NPFFR2: variants seen among roughly 807,000 people sequenced by gnomAD.
NPFFR2 encodes the protein neuropeptide FF receptor 2, also known as G-protein coupled receptor 74.
A neutral mutation model predicts 13.1 loss-of-function variants in NPFFR2; 15 were observed. The observed-to-expected ratio is 1.15, with a 90% confidence interval of 0.77 to 1.76. NPFFR2 has a LOEUF of 1.76. NPFFR2 is among the 40% of genes most tolerant of loss of function. The pLI, the probability that NPFFR2 is intolerant of heterozygous loss-of-function variation, is 0.00. For synonymous variants in NPFFR2, 190 were observed against 175.7 expected (o/e 1.08, Z -0.65); for missense variants, 572 against 503.5 (o/e 1.14, Z -1.30).
At chr4:72,124,232 A>G (rs990146970) in intron 1 of NPFFR2, among the ~76,000 whole-genome samples, 4 of 152,196 alleles carry the variant, frequency 2.6e-5, no homozygotes, top group Non-Finnish European at 5.9e-5. Flanking sequence ...TTCAAGGAGA[A>G]CTACAAACCA....
At chr4:72,126,458 A>T (rs1254126128) in intron 1 of NPFFR2, among the ~76,000 whole-genome samples, 2 of 152,226 alleles carry the variant, frequency 1.3e-5, no homozygotes, top group Non-Finnish European at 2.9e-5. Context: ...CAGAAAAGAG[A>T]TAACAAGCAG....
At chr4:72,112,022 T>C (rs1721580186) in intron 1 of NPFFR2, among the ~76,000 whole-genome samples, 2 of 151,992 alleles carry the variant, frequency 1.3e-5, no homozygotes, top group Admixed American at 1.3e-4. Flanking sequence ...ATTTGCTGGA[T>C]TTTTACCAAA....
At chr4:72,140,688 G>A (rs1722579489) in intron 3 of NPFFR2, among the ~76,000 whole-genome samples, 1 of 152,130 alleles carries the variant, frequency 6.6e-6, no homozygotes, top group Non-Finnish European at 1.5e-5. Flanking sequence ...TTTCCGGATC[G>A]ATGTTCATCA....
chr4:72,111,421 T>C (rs544376695), intron 1 of NPFFR2, among the ~76,000 whole-genome samples: 1 of 152,000 alleles, frequency 6.6e-6, no homozygotes, highest in African/African-American at 2.4e-5. Context: ...TTGTTGTGCA[T>C]CCTATACAGT....
At chr4:72,096,788 G>A (rs376682862) in intron 1 of NPFFR2, among the ~76,000 whole-genome samples, 4 of 151,898 alleles carry the variant, frequency 2.6e-5, no homozygotes, top group African/African-American at 9.7e-5. Flanking sequence ...GACTTACAAT[G>A]GAGTTACGTC....
chr4:72,147,659 T>C lies in NPFFR2; in HGVS notation c.1110T>C (p.His370=). The C allele has an allele frequency of 6.2e-7, 1 of 1,614,158 alleles. No individual in the cohort carries two copies. Among genetic ancestry groups the C allele is most frequent in the Non-Finnish European group, 8.5e-7 (1 of 1,180,026 alleles). ...CTTATGCCCTAAAAGCTAAAAGCCA[T>C]GTGCTCATAAACACATCTAATCAGC... The part of the protein sequence containing the change: ...MEAYALKAKS[H]VLINTSNQLV... The change falls in exon 4 of 4, where the codon CAT becomes CAC. Residue 370 remains histidine (H), a synonymous_variant. Transcript: ENST00000308744.
intron 1 of NPFFR2, among the ~76,000 whole-genome samples, chr4:72,079,525 T>TA (rs1393561117): frequency 1.3e-5 from 2 of 152,156 alleles, no homozygotes; most frequent in Non-Finnish European, 2.9e-5. Flanking sequence ...ATCAGAGACC[T>TA]AAATGTAAAA....
intron 1 of NPFFR2, among the ~76,000 whole-genome samples, chr4:72,109,848 TC>T (rs1721516214): frequency 6.6e-6 from 1 of 151,986 alleles, no homozygotes. Flanking sequence ...CATTAAGCTT[TC>T]CCCATCTGCA....
At chr4:72,101,955 A>G (rs1245142257) in intron 1 of NPFFR2, among the ~76,000 whole-genome samples, 1 of 152,148 alleles carries the variant, frequency 6.6e-6, no homozygotes, top group Non-Finnish European at 1.5e-5. Flanking sequence ...AATAGACTAG[A>G]ATAGGTGCTC....
At position 72,053,293 on chromosome 4, in the gene NPFFR2, A is replaced by G. The variant is rs4694453; in HGVS notation, c.-8+21093A>G. Among the ~76,000 whole-genome samples, 4,254 of 151,630 alleles carry G rather than the reference A, an allele frequency of 0.028. 298 individuals carry two copies. The East Asian group carries it at 0.31, about 11-fold the overall frequency. On this transcript the variant is annotated intron_variant, in intron 1 of 3. Transcript: ENST00000308744. The stretch of plus-strand genomic sequence containing the variant: ...TCTCAAGCTCCCAGATCTCCAGGCT[A>G]TGTGGAGAACAAAGTGAATCTGGGG...
intron 1 of NPFFR2, among the ~76,000 whole-genome samples, chr4:72,099,306 T>A (rs1721162414): frequency 6.6e-6 from 1 of 152,180 alleles, no homozygotes; most frequent in East Asian, 1.9e-4. Flanking sequence ...TTGATTCAAT[T>A]AAGAGATAAA....
At chr4:72,067,197 T>C (rs1251569408) in intron 1 of NPFFR2, among the ~76,000 whole-genome samples, 4 of 152,184 alleles carry the variant, frequency 2.6e-5, no homozygotes, top group Admixed American at 6.5e-5. Flanking sequence ...CATTGTGGCT[T>C]ACAGATCATG....
chr4:72,053,234 GACA>G (rs1424960795), intron 1 of NPFFR2, among the ~76,000 whole-genome samples: 6 of 151,802 alleles, frequency 4.0e-5, no homozygotes, highest in Middle Eastern at 6.8e-3. Flanking sequence ...CAATAATAAT[GACA>G]ACAACAATAC....
At chr4:72,106,973 C>CT (rs1560413166) in intron 1 of NPFFR2, among the ~76,000 whole-genome samples, 1 of 151,870 alleles carries the variant, frequency 6.6e-6, no homozygotes. Context: ...ATCAATGCAG[C>CT]TGCTATATAA....
Position 72,147,118 on chromosome 4 carries a change from A to G in NPFFR2, c.569A>G (p.Tyr190Cys), listed in dbSNP as rs1182054536. The change falls in exon 4 of 4, where the codon TAC becomes TGC. Residue 190 changes from tyrosine to cysteine, a missense_variant. Coordinates refer to ENST00000308744, the MANE Select transcript of NPFFR2 (RefSeq NM_004885.3). ...VMLHVQEEKY[Y>C]RVRLNSQNKT... ...TTACATGTGCAAGAAGAAAAATATT[A>G]CCGAGTGAGACTCAACTCCCAGAAT... The G allele has an allele frequency of 1.2e-6, 2 of 1,614,038 alleles. No individual in the cohort carries two copies. The highest frequency in any genetic ancestry group is 1.7e-6 in the Non-Finnish European group (2 of 1,180,040).
intron 3 of NPFFR2, among the ~76,000 whole-genome samples, chr4:72,141,255 C>G (rs1048747545): frequency 6.6e-6 from 1 of 151,444 alleles, no homozygotes; most frequent in Non-Finnish European, 1.5e-5. Context: ...GTGTCTCTAT[C>G]TCCTTCAGTT....
At chr4:72,118,910 A>C (rs1207787479) in intron 1 of NPFFR2, among the ~76,000 whole-genome samples, 1 of 152,132 alleles carries the variant, frequency 6.6e-6, no homozygotes, top group Non-Finnish European at 1.5e-5. Context: ...TAAACCAATA[A>C]TTTTTGAAAG....
rs142376509 is a variant in NPFFR2 at position 72,109,922 on chromosome 4, G to T, written c.-7-18663G>T. On this transcript the variant is annotated intron_variant, in intron 1 of 3. Transcript: ENST00000308744. ...TCCAGAAACTCTCATCAGTGAACCA[G>T]ACAACTTACTTTGCTTCATGGGGAG... Among the ~76,000 whole-genome samples, 693 of 152,050 alleles carry T rather than the reference G, an allele frequency of 4.6e-3. 3 individuals are homozygous for T. The highest frequency in any genetic ancestry group is 0.016 in the African/African-American group (664 of 41,506).
chr4:72,110,274 T>C (rs775138134), intron 1 of NPFFR2, among the ~76,000 whole-genome samples: 1 of 152,028 alleles, frequency 6.6e-6, no homozygotes, highest in Non-Finnish European at 1.5e-5. Context: ...AAGACATGTT[T>C]GCTTCCCCTT....
Sources: gnomAD v4.1 joint callset for allele counts (sites outside exome capture counted in the v4.1 genomes callset) on GRCh38, gnomAD v4.1.1 for gene constraint, MANE v1.5 for transcripts, NCBI Gene and HGNC (gene_info 2026-07-23, HGNC 2026-07-21) for gene names.